Variants in PHC1 observed in about 807,000 individuals in gnomAD.
PHC1 encodes polyhomeotic-like protein 1.
Under a neutral mutation model 104.3 loss-of-function variants are expected in PHC1, and 12 were observed. The ratio of observed to expected loss-of-function variants is 0.12; its 90% CI spans 0.07 to 0.19. The LOEUF is 0.19. PHC1 is among the 10% of genes least tolerant of loss of function. The probability of loss-of-function intolerance (pLI) is 1.00; values close to 1 mark genes in which losing one functional copy is unlikely to be tolerated. For missense variants in PHC1, 671 were observed against 1,200.0 expected, an observed-to-expected ratio of 0.56 and a Z score of 6.51; for synonymous variants, 302 against 455.8, an observed-to-expected ratio of 0.66 and a Z score of 4.30.
rs747106294 is a variant in PHC1 at position 8,935,587 on chromosome 12, A to G, written c.2368+349A>G. Among the ~76,000 whole-genome samples the G allele has an allele frequency of 3.3e-5, 5 of 152,022 alleles. No individual in the cohort carries two copies. In the East Asian group the frequency reaches 9.8e-4, roughly 30 times the overall value. ...GTTGCAGTGAAGTGAGCTGCACGCC[A>G]CCGCACTCCAGCCTGGGCGACAGAG... On this transcript the variant is annotated intron_variant, in intron 11 of 14. Coordinates refer to ENST00000544916, the MANE Select transcript of PHC1 (RefSeq NM_004426.3).
chr12:8,923,779 G>A (rs1241493886), intron 6 of PHC1, among the ~76,000 whole-genome samples: 6 of 139,720 alleles, frequency 4.3e-5, no homozygotes, highest in East Asian at 2.1e-4. Flanking sequence ...GCAGTAAGCC[G>A]AGATCATGCC....
chr12:8,935,615 A>T (rs1277658375), intron 11 of PHC1, among the ~76,000 whole-genome samples: 3 of 152,074 alleles, frequency 2.0e-5, no homozygotes. Context: ...CGACAGAGCG[A>T]GACTCTGTCT....
chr12:8,927,622 G>A (rs929592266), intron 6 of PHC1, among the ~76,000 whole-genome samples: 10 of 152,194 alleles, frequency 6.6e-5, no homozygotes, highest in African/African-American at 2.2e-4. Context: ...TGAAGAGTAG[G>A]AGGAGAAAGA....
intron 4 of PHC1, 145 bp downstream of exon 4, chr12:8,921,210 G>A (rs896759768): frequency 1.6e-6 from 1 of 625,746 alleles, no homozygotes; most frequent in Non-Finnish European, 2.7e-6. Flanking sequence ...TAGTACAAGG[G>A]GAAAGTAACC....
At position 8,930,495 on chromosome 12, in the gene PHC1, T is replaced by C; in HGVS notation, c.673T>C (p.Ser225Pro). The C allele has an allele frequency of 6.4e-7, 1 of 1,558,480 alleles. No individual in the cohort carries two copies. Among genetic ancestry groups the C allele is most frequent in the Non-Finnish European group, 8.7e-7 (1 of 1,151,080 alleles). Residue 225 changes from serine (S) to proline (P), a missense_variant, in exon 7 of 15, where the codon TCC becomes CCC. Transcript: ENST00000544916. ...AGCTCAAGGACCTCAGATGCAAGGC[T>C]CCACTCAGAAGGCCATTCCTCCAGG... is the stretch of plus-strand genomic sequence containing the variant. The part of the protein sequence containing the change: ...ASAQGPQMQG[S>P]TQKAIPPGAS...
chr12:8,918,474 T>C (rs1945262599), intron 2 of PHC1, among the ~76,000 whole-genome samples: 1 of 152,184 alleles, frequency 6.6e-6, no homozygotes, highest in Admixed American at 6.5e-5. Flanking sequence ...AATATACTTT[T>C]ACATTTTCTT....
At position 8,934,229 on chromosome 12, in the gene PHC1, A is replaced by G. The variant is rs767190307; in HGVS notation, c.2042-38A>G. On this transcript the variant is annotated intron_variant, in intron 9 of 14. Coordinates refer to ENST00000544916, the MANE Select transcript of PHC1 (RefSeq NM_004426.3). ...CAACTAATAGATGGATCAATATGTCATCTCATGTCTGTTGCTTAATCTGTG... is the reference window on the plus strand; with the variant it reads ...CAACTAATAGATGGATCAATATGTCGTCTCATGTCTGTTGCTTAATCTGTG... 9 of 1,512,366 alleles carry G rather than the reference A, an allele frequency of 6.0e-6. No homozygotes were observed. In the East Asian group the frequency reaches 1.8e-4, roughly 30 times the overall value. 93.7% of individuals were successfully genotyped at this position (1,512,366 alleles called of 1,614,324 possible).
chr12:8,932,469 T>C, intron 7 of PHC1, 94 bp from the exon 8 acceptor site: 1 of 1,368,752 alleles, frequency 7.3e-7, no homozygotes, highest in Non-Finnish European at 1.0e-6. Context: ...AAAACTAGGT[T>C]ATACCTTGGA....
At chr12:8,937,067 CCTTG>C in intron 12 of PHC1, 103 bp downstream of exon 12, 1 of 1,423,004 alleles carries the variant, frequency 7.0e-7, no homozygotes. Context: ...ATGTCTCCCT[CCTTG>C]CTTTTATTCC....
Position 8,921,672 on chromosome 12 carries a change from C to T in PHC1, c.378C>T (p.Thr126=), listed in dbSNP as rs1805780. The T allele has an allele frequency of 0.016, 26,584 of 1,613,294 alleles. 258 individuals are homozygous for T. The highest frequency in any genetic ancestry group is 0.019 in the Non-Finnish European group (22,845 of 1,179,388). The change falls in exon 5 of 15, where the codon ACC becomes ACT. Residue 126 remains threonine, a synonymous_variant. Coordinates refer to ENST00000544916, the MANE Select transcript of PHC1 (RefSeq NM_004426.3). ...AGAGTGTGAGCTCTCCCAGTGCTAC[C>T]ACCTTGACCCAATCTGTGCTACTGG... ...RSQSVSSPSA[T]TLTQSVLLGN... is the part of the protein sequence containing the mutation.
chr12:8,917,853 T>G (rs1945245642), intron 2 of PHC1, 62 bp downstream of exon 2: 1 of 837,442 alleles, frequency 1.2e-6, no homozygotes, highest in Admixed American at 3.0e-5. Context: ...GCAGTGATGC[T>G]GGAAAATAAT....
At chr12:8,930,032 A>AT (rs1290358110) in intron 6 of PHC1, among the ~76,000 whole-genome samples, 1 of 152,104 alleles carries the variant, frequency 6.6e-6, no homozygotes, top group Non-Finnish European at 1.5e-5. Flanking sequence ...ATAAGTGATA[A>AT]TTTTCTTGTC....
At position 8,937,872 on chromosome 12, in the gene PHC1, A is replaced by G. The variant is rs1412612517; in HGVS notation, c.2672A>G (p.Asp891Gly). ...CGGGGTTCAGATAATTCCAGTTATGATGAAGCACTCTCTCCAACATCTCCT... is the reference window on the plus strand; with the variant it reads ...CGGGGTTCAGATAATTCCAGTTATGGTGAAGCACTCTCTCCAACATCTCCT... ...SSRGSDNSSY[D>G]EALSPTSPGP... is the part of the protein sequence containing the mutation. Residue 891 changes from aspartate (D) to glycine (G), a missense_variant, in exon 14 of 15, where the codon GAT (aspartate) becomes GGT (glycine). Around this residue, in one of 9 missense-constraint regions of PHC1, gnomAD observed 192 missense variants for 280.5 expected, o/e 0.68. Transcript: ENST00000544916. 1 of 1,613,198 alleles carries G rather than the reference A, an allele frequency of 6.2e-7. No individual in the cohort carries two copies. The highest frequency in any genetic ancestry group is 8.5e-7 in the Non-Finnish European group (1 of 1,179,348).
At chr12:8,932,382 T>C (rs1369917624) in intron 7 of PHC1, among the ~76,000 whole-genome samples, 181 bp from the exon 8 acceptor site, 1 of 152,224 alleles carries the variant, frequency 6.6e-6, no homozygotes, top group East Asian at 1.9e-4. Flanking sequence ...TGGTAATGTC[T>C]GATTGAGTGG....
chr12:8,930,670 G>A lies in PHC1; in HGVS notation c.848G>A (p.Gly283Glu). ...ATCCCAGGGTCCATGGGTCCAGGTGGAGGTGGGCAGGCACATGGTGGTTTG... is the reference window on the plus strand; with the variant it reads ...ATCCCAGGGTCCATGGGTCCAGGTGAAGGTGGGCAGGCACATGGTGGTTTG... ...NSIPGSMGPG[G>E]GGQAHGGLGQ... is the part of the protein sequence containing the mutation. The change falls in exon 7 of 15, where the codon GGA becomes GAA. Residue 283 changes from glycine (G) to glutamate (E), a missense_variant. Transcript: ENST00000544916. The A allele has an allele frequency of 7.2e-7, 1 of 1,384,532 alleles. No individual in the cohort carries two copies. Among genetic ancestry groups the A allele is most frequent in the Non-Finnish European group, 9.9e-7 (1 of 1,011,642 alleles). 85.8% of individuals were successfully genotyped at this position (1,384,532 alleles called of 1,614,324 possible). A position where few individuals can be genotyped will look rare whatever the true frequency, so the allele number is the denominator to read the frequency against.
chr12:8,914,221 G>A (rs1321307907), upstream of PHC1, among the ~76,000 whole-genome samples: 1 of 151,942 alleles, frequency 6.6e-6, no homozygotes, highest in Non-Finnish European at 1.5e-5. Flanking sequence ...TCCGAGAGGT[G>A]CGTTCCCCAC....
intron 7 of PHC1, 70 bp from the exon 8 acceptor site, chr12:8,932,493 T>C (rs1945714797): frequency 1.3e-6 from 2 of 1,526,030 alleles, no homozygotes; most frequent in Non-Finnish European, 1.8e-6. Flanking sequence ...ATGAATTTAC[T>C]TTTAATTTAG....
intron 7 of PHC1, among the ~76,000 whole-genome samples, chr12:8,932,046 A>G (rs770140060): frequency 2.9e-4 from 44 of 152,246 alleles, no homozygotes; most frequent in Non-Finnish European, 5.6e-4. Flanking sequence ...TAAGCTGATG[A>G]TTTGTAAAAT....
intron 6 of PHC1, among the ~76,000 whole-genome samples, chr12:8,926,316 C>T (rs1393396410): frequency 6.6e-6 from 1 of 152,190 alleles, no homozygotes; most frequent in East Asian, 1.9e-4. Flanking sequence ...TCTCCTCAGT[C>T]TTTAAAATTG....
Sources: gnomAD v4.1 joint callset for allele counts (sites outside exome capture counted in the v4.1 genomes callset) on GRCh38, gnomAD v4.1.1 for gene constraint, gnomAD v4.1.1 regional missense constraint, MANE v1.5 for transcripts, NCBI Gene and HGNC (gene_info 2026-07-23, HGNC 2026-07-21) for gene names.